The following SQOR variants were observed in gnomAD, a reference collection of about 807,000 sequenced individuals.
The protein encoded by SQOR is sulfide quinone oxidoreductase, also known as sulfide:quinone oxidoreductase, mitochondrial.
Under a neutral mutation model 48.6 loss-of-function variants are expected in SQOR, and 39 were observed. The ratio of observed to expected loss-of-function variants is 0.80; its 90% CI spans 0.62 to 1.05. SQOR has a LOEUF of 1.05. Ranked by LOEUF, SQOR falls within the 50% of genes least tolerant of loss-of-function variation. SQOR has a pLI of 0.00. For missense variants in SQOR, 561 were observed against 559.9 expected (o/e 1.00, Z -0.02); for synonymous variants, 220 against 206.2 (o/e 1.07, Z -0.57).
chr15:45,650,271 G>A (rs1889450958), intron 1 of SQOR, among the ~76,000 whole-genome samples: 1 of 152,148 alleles, frequency 6.6e-6, no homozygotes, highest in Admixed American at 6.5e-5. Flanking sequence ...GGAATTGGTG[G>A]GTTCTTGGTC....
intron 1 of SQOR, among the ~76,000 whole-genome samples, chr15:45,651,227 C>T (rs2140942988): frequency 6.6e-6 from 1 of 152,354 alleles, no homozygotes; most frequent in East Asian, 1.9e-4. Context: ...GGACCTGGTG[C>T]ACCCTCCGCA....
chr15:45,637,380 G>A lies in SQOR; in HGVS notation c.-18+2272G>A, dbSNP rs184328921. Among the ~76,000 whole-genome samples the A allele has an allele frequency of 1.1e-3, 161 of 152,296 alleles. 2 individuals carry two copies. The Middle Eastern group carries it at 0.017, about 16-fold the overall frequency. ...AGCACTGCACTTAGTGTAGAGGGCTGAAGTAGATACCATTTATCAGAACTT... is the reference window on the plus strand; with the variant it reads ...AGCACTGCACTTAGTGTAGAGGGCTAAAGTAGATACCATTTATCAGAACTT... On this transcript the variant is annotated intron_variant, in intron 1 of 9. Coordinates refer to ENST00000260324, the MANE Select transcript of SQOR (RefSeq NM_021199.4).
intron 1 of SQOR, among the ~76,000 whole-genome samples, chr15:45,650,352 G>A (rs893364065): frequency 3.3e-5 from 5 of 152,176 alleles, no homozygotes; most frequent in Non-Finnish European, 7.3e-5. Flanking sequence ...GGCGTGTCCG[G>A]AGTTTGTTCC....
At chr15:45,644,778 G>C (rs553774935) in intron 1 of SQOR, among the ~76,000 whole-genome samples, 1 of 152,214 alleles carries the variant, frequency 6.6e-6, no homozygotes, top group Non-Finnish European at 1.5e-5. Context: ...AGTGCTCCAG[G>C]ATTCATGAGC....
chr15:45,678,159 T>A (rs564177973), intron 6 of SQOR, among the ~76,000 whole-genome samples: 1 of 152,334 alleles, frequency 6.6e-6, no homozygotes, highest in African/African-American at 2.4e-5. Context: ...AGGGGATAAT[T>A]ACAATTTGTT....
intron 1 of SQOR, among the ~76,000 whole-genome samples, chr15:45,646,851 G>T (rs1017668273): frequency 2.0e-5 from 3 of 151,762 alleles, no homozygotes; most frequent in African/African-American, 7.3e-5. Context: ...AGCAAATTCC[G>T]AGTCATTTCA....
At chr15:45,638,066 A>G (rs1895037070) in intron 1 of SQOR, among the ~76,000 whole-genome samples, 1 of 152,216 alleles carries the variant, frequency 6.6e-6, no homozygotes, top group Non-Finnish European at 1.5e-5. Context: ...AGAAAAGTAG[A>G]TCTAGCCAAC....
intron 3 of SQOR, among the ~76,000 whole-genome samples, chr15:45,665,584 CTTT>C (rs1416571890): frequency 3.6e-5 from 5 of 140,156 alleles, no homozygotes; most frequent in African/African-American, 5.2e-5. Context: ...TCCATTCTGT[CTTT>C]TTTTTTTTTT....
At chr15:45,684,011 A>G (rs1890175765) in intron 7 of SQOR, among the ~76,000 whole-genome samples, 1 of 152,020 alleles carries the variant, frequency 6.6e-6, no homozygotes, top group African/African-American at 2.4e-5. Flanking sequence ...TCCCAGGTTC[A>G]AGCGATTCTC....
intron 1 of SQOR, among the ~76,000 whole-genome samples, chr15:45,656,823 C>G (rs534233237): frequency 3.3e-5 from 5 of 151,594 alleles, no homozygotes; most frequent in African/African-American, 9.7e-5. Flanking sequence ...TTGTTTTTTT[C>G]AGACAGAGTC....
rs562783003 is a variant in SQOR, at chr15:45,689,792, G to A, written c.1295+575G>A. ...GAGCACAGACTTTGGAGTCAGACCT[G>A]CATTTGAGTCATACTTCTGCTATTA... On this transcript the variant is annotated intron_variant, in intron 9 of 9. Coordinates refer to ENST00000260324, the MANE Select transcript of SQOR (RefSeq NM_021199.4). Among the ~76,000 whole-genome samples the A allele has an allele frequency of 5.9e-5, 9 of 152,176 alleles. No individual in the cohort carries two copies. The East Asian group carries it at 1.7e-3, about 29-fold the overall frequency.
intron 1 of SQOR, among the ~76,000 whole-genome samples, chr15:45,650,564 C>T (rs554569231): frequency 2.1e-4 from 32 of 152,304 alleles, no homozygotes; most frequent in South Asian, 1.0e-3. Context: ...CGAAAGAGGA[C>T]CAGAAAGGAC....
intron 6 of SQOR, among the ~76,000 whole-genome samples, chr15:45,680,673 C>T (rs1260584553): frequency 2.6e-5 from 4 of 152,054 alleles, no homozygotes; most frequent in Non-Finnish European, 4.4e-5. Flanking sequence ...ACCTTGGCCC[C>T]CCAAAGTGTT....
At chr15:45,652,866 G>A (rs143154974) in intron 1 of SQOR, among the ~76,000 whole-genome samples, 24 of 151,616 alleles carry the variant, frequency 1.6e-4, no homozygotes, top group African/African-American at 5.6e-4. Flanking sequence ...AGCTACTCGT[G>A]GGGGCCGGAG....
chr15:45,687,585 T>C (rs531072595), intron 7 of SQOR, among the ~76,000 whole-genome samples: 3 of 145,864 alleles, frequency 2.1e-5, no homozygotes, highest in African/African-American at 7.5e-5. Context: ...GCTCTAAAAA[T>C]ACAGCGGGAA....
intron 2 of SQOR, among the ~76,000 whole-genome samples, chr15:45,659,929 T>C (rs1889690311): frequency 6.6e-6 from 1 of 152,310 alleles, no homozygotes; most frequent in Admixed American, 6.5e-5. Flanking sequence ...TGCCTATCTG[T>C]TCCTGTCTGG....
At chr15:45,653,962 A>G (rs1031625357) in intron 1 of SQOR, among the ~76,000 whole-genome samples, 3 of 152,096 alleles carry the variant, frequency 2.0e-5, no homozygotes, top group African/African-American at 7.2e-5. Context: ...TGTCAACTAA[A>G]AATACCAAAA....
At chr15:45,648,664 A>G (rs1166082978) in intron 1 of SQOR, among the ~76,000 whole-genome samples, 1 of 152,244 alleles carries the variant, frequency 6.6e-6, no homozygotes, top group Non-Finnish European at 1.5e-5. Flanking sequence ...CCACCTGGGC[A>G]CCAGGTGTAA....
At chr15:45,649,859 T>C (rs973014236) in intron 1 of SQOR, among the ~76,000 whole-genome samples, 1 of 151,784 alleles carries the variant, frequency 6.6e-6, no homozygotes. Context: ...GTTGTTGTTT[T>C]TGTGTGTGTT....
Sources: allele counts gnomAD v4.1 joint callset (sites outside exome capture counted in the v4.1 genomes callset), GRCh38; gene constraint gnomAD v4.1.1; transcripts MANE v1.5; gene names NCBI Gene and HGNC (gene_info 2026-07-23, HGNC 2026-07-21).